The following EP300 variants were observed in gnomAD, a reference collection of about 807,000 sequenced individuals.
The protein encoded by EP300 is histone acetyltransferase p300.
EP300 carries 31 observed loss-of-function variants against 264.0 expected under a neutral mutation model. That is an observed-to-expected ratio of 0.12 (90% CI 0.09 to 0.16). The LOEUF is 0.16. Ranked by LOEUF, EP300 falls within the 10% of genes least tolerant of loss-of-function variation. EP300 has a pLI of 1.00. For missense variants in EP300, 2,766 were observed against 3,052.9 expected, an observed-to-expected ratio of 0.91 and a Z score of 2.21; for synonymous variants, 1,340 against 1,045.4, an observed-to-expected ratio of 1.28 and a Z score of -5.44.
In EP300 at chr22:41,147,768, A is replaced by G. The variant is rs1000402942; in HGVS notation, c.2132-69A>G. Reference sequence around the variant, plus strand: ...AAAAAAAAGATACAGAATCAGACATAAGAATTCTATCTTTTATTATTCAAT... The same window carrying G: ...AAAAAAAAGATACAGAATCAGACATGAGAATTCTATCTTTTATTATTCAAT... On this transcript the variant is annotated intron_variant, in intron 11 of 30. Transcript: ENST00000263253. The G allele has an allele frequency of 4.5e-6, 5 of 1,108,654 alleles. No homozygotes were observed. In the African/African-American group the frequency reaches 7.7e-5, roughly 17 times the overall value. 68.7% of individuals were successfully genotyped at this position (1,108,654 alleles called of 1,614,324 possible).
At chr22:41,151,508 A>C (rs2059045387) in intron 14 of EP300, among the ~76,000 whole-genome samples, 1 of 151,916 alleles carries the variant, frequency 6.6e-6, no homozygotes. Context: ...ATTTTCTTTC[A>C]CTCATTTCTG....
Position 41,172,621 on chromosome 22 carries a change from A to G in EP300, c.4575A>G (p.Glu1525=). ...ESIKELEQEE[E]ERKREENTSN... is the part of the protein sequence containing the mutation. ...TTAAGGAACTGGAACAGGAGGAAGA[A>G]GAGAGAAAACGAGAGGAAAACACCA... The change falls in exon 28 of 31, where the codon GAA becomes GAG. Residue 1525 remains glutamate, a synonymous_variant. Coordinates refer to ENST00000263253, the MANE Select transcript of EP300 (RefSeq NM_001429.4). The G allele has an allele frequency of 6.2e-7, 1 of 1,614,048 alleles. No individual in the cohort carries two copies. Among genetic ancestry groups the G allele is most frequent in the Non-Finnish European group, 8.5e-7 (1 of 1,179,926 alleles).
Position 41,178,671 on chromosome 22 carries a change from C to A in EP300, c.6960C>A (p.Ser2320=). 1 of 1,614,154 alleles carries A rather than the reference C, an allele frequency of 6.2e-7. No homozygotes were observed. The highest frequency in any genetic ancestry group is 1.1e-5 in the South Asian group (1 of 91,084). The change falls in exon 31 of 31, where the codon TCC becomes TCA. Residue 2320 remains serine, a synonymous_variant. Transcript: ENST00000263253. The part of the protein sequence containing the change: ...PQPVPSPRPQ[S]QPPHSSPSPR... ...CTGTCCCTTCTCCACGGCCACAGTC[C>A]CAGCCCCCCCACTCCAGTCCTTCCC...
In EP300 at chr22:41,178,782, C is replaced by A. The variant is rs2145523774; in HGVS notation, c.7071C>A (p.Asn2357Lys). Residue 2357 changes from asparagine to lysine, a missense_variant, in exon 31 of 31, where the codon AAC (asparagine) becomes AAA (lysine). Physicochemically the swap from Asn to Lys is moderately conservative, Grantham distance 94 (BLOSUM62 0). Transcript: ENST00000263253. ...PHPGLVAAQA[N>K]PMEQGHFASP... Reference sequence around the variant, plus strand: ...CTGGACTGGTAGCTGCCCAGGCCAACCCCATGGAACAAGGGCATTTTGCCA... The same window carrying A: ...CTGGACTGGTAGCTGCCCAGGCCAAACCCATGGAACAAGGGCATTTTGCCA... 6.2e-7 allele frequency: 1 copy of A among 1,614,174 alleles called. No individual in the cohort carries two copies. Among genetic ancestry groups the A allele is most frequent in the Non-Finnish European group, 8.5e-7 (1 of 1,180,040 alleles).
chr22:41,105,614 G>A (rs1384164078), intron 1 of EP300, among the ~76,000 whole-genome samples: 3 of 152,104 alleles, frequency 2.0e-5, no homozygotes, highest in African/African-American at 7.2e-5. Flanking sequence ...GGCCAGGCTG[G>A]TCTTGAACTC....
intron 1 of EP300, among the ~76,000 whole-genome samples, chr22:41,096,611 A>AC (rs1491512330): frequency 8.5e-6 from 1 of 117,358 alleles, no homozygotes; most frequent in Non-Finnish European, 1.8e-5. Context: ...TGTCAGCTCT[A>AC]CTTTTTTTTT....
intron 22 of EP300, among the ~76,000 whole-genome samples, chr22:41,165,425 C>CTT: frequency 6.6e-6 from 1 of 152,058 alleles, no homozygotes; most frequent in Non-Finnish European, 1.5e-5. Context: ...CATACATTTT[C>CTT]TTTTTTTCTT....
At position 41,124,427 on chromosome 22, in the gene EP300, G is replaced by C. The variant is rs140428092; in HGVS notation, c.730-1437G>C. 1.1e-3 allele frequency among the ~76,000 whole-genome samples: 167 copies of C among 152,242 alleles called. 1 individual carries two copies. The highest frequency in any genetic ancestry group is 1.9e-3 in the Non-Finnish European group (126 of 67,990). On this transcript the variant is annotated intron_variant, in intron 2 of 30. Coordinates refer to ENST00000263253, the MANE Select transcript of EP300 (RefSeq NM_001429.4). Reference sequence around the variant, plus strand: ...GAAGTTTTAAAAAACACTGTCATCAGTGTCCCTACACAAAAAAGGACATAT... The same window carrying C: ...GAAGTTTTAAAAAACACTGTCATCACTGTCCCTACACAAAAAAGGACATAT...
intron 6 of EP300, among the ~76,000 whole-genome samples, chr22:41,132,086 C>T (rs1247788693): frequency 6.6e-6 from 1 of 151,060 alleles, no homozygotes; most frequent in Non-Finnish European, 1.5e-5. Context: ...ATCCTAGCTA[C>T]ACGAGAGGCT....
intron 1 of EP300, among the ~76,000 whole-genome samples, chr22:41,115,970 T>C (rs541909736): frequency 3.8e-4 from 58 of 152,364 alleles, no homozygotes; most frequent in Middle Eastern, 3.4e-3. Context: ...TGTGTGTCTT[T>C]ATGTATTACA....
At chr22:41,167,630 AT>A (rs2059145846) in intron 23 of EP300, among the ~76,000 whole-genome samples, 1 of 75,466 alleles carries the variant, frequency 1.3e-5, no homozygotes, top group Non-Finnish European at 2.6e-5. Flanking sequence ...ATATATATAT[AT>A]ATATAATGTT....
chr22:41,152,125 T>A, intron 15 of EP300, 81 bp from the exon 16 acceptor site: 1 of 1,587,412 alleles, frequency 6.3e-7, no homozygotes, highest in South Asian at 1.1e-5. Flanking sequence ...GGCATAGATT[T>A]TGCATGAGAA....
chr22:41,143,757 A>G (rs528802316), intron 10 of EP300, among the ~76,000 whole-genome samples: 4 of 152,244 alleles, frequency 2.6e-5, no homozygotes, highest in African/African-American at 9.6e-5. Context: ...TTGTATTTTC[A>G]GTAGAGACAG....
intron 16 of EP300, among the ~76,000 whole-genome samples, 165 bp downstream of exon 16, chr22:41,152,515 CTTTTTTT>C (rs74973464): frequency 4.1e-4 from 58 of 141,676 alleles, no homozygotes; most frequent in African/African-American, 1.5e-3. Flanking sequence ...ATTTTTCTTT[CTTTTTTT>C]TTTTTTTAAT....
intron 27 of EP300, among the ~76,000 whole-genome samples, chr22:41,171,700 C>T (rs1245279814): frequency 1.3e-5 from 2 of 150,828 alleles, no homozygotes; most frequent in Non-Finnish European, 2.9e-5. Flanking sequence ...ATGGTGCAGT[C>T]TCCTGGGTTC....
chr22:41,142,023 T>G lies in EP300; in HGVS notation c.2053+801T>G, dbSNP rs188483141. Reference sequence around the variant, plus strand: ...CATTTTGACAGCTTCAGTTTCTGATTATAGCATCATTGTTGACCTGATGAA... The same window carrying G: ...CATTTTGACAGCTTCAGTTTCTGATGATAGCATCATTGTTGACCTGATGAA... On this transcript the variant is annotated intron_variant, in intron 10 of 30. Transcript: ENST00000263253. Among the ~76,000 whole-genome samples the G allele has an allele frequency of 2.6e-5, 4 of 152,286 alleles. No individual in the cohort carries two copies. In the East Asian group the frequency reaches 7.7e-4, roughly 29 times the overall value.
chr22:41,134,894 G>GC (rs2145719647), intron 6 of EP300, among the ~76,000 whole-genome samples: 2 of 142,216 alleles, frequency 1.4e-5, no homozygotes, highest in African/African-American at 6.1e-5. Context: ...AATGAGCATT[G>GC]CTTTTTTCTT....
intron 22 of EP300, among the ~76,000 whole-genome samples, 166 bp downstream of exon 22, chr22:41,164,296 G>C (rs1041208832): frequency 5.3e-5 from 8 of 152,230 alleles, no homozygotes; most frequent in African/African-American, 1.9e-4. Context: ...TAAAAATTAA[G>C]TAACCTAGTA....
At chr22:41,125,587 G>T (rs2058877136) in intron 2 of EP300, among the ~76,000 whole-genome samples, 1 of 151,988 alleles carries the variant, frequency 6.6e-6, no homozygotes, top group Non-Finnish European at 1.5e-5. Context: ...TGCCATCATG[G>T]CTCCCTACAA....
Sources: allele counts gnomAD v4.1 joint callset (sites outside exome capture counted in the v4.1 genomes callset), GRCh38; gene constraint gnomAD v4.1.1; transcripts MANE v1.5; gene names NCBI Gene and HGNC (gene_info 2026-07-23, HGNC 2026-07-21).